Variants in EFCAB6 observed in about 807,000 individuals in gnomAD.
EFCAB6 encodes EF-hand calcium binding domain 6, also known as EF-hand calcium-binding domain-containing protein 6.
Under a neutral mutation model 169.8 loss-of-function variants are expected in EFCAB6, and 156 were observed. The observed-to-expected ratio is 0.92, with a 90% CI of 0.81 to 1.05. The LOEUF (loss-of-function observed/expected upper bound fraction) is 1.05. Ranked by LOEUF, EFCAB6 falls within the 50% of genes least tolerant of loss-of-function variation. The pLI, the probability that EFCAB6 is intolerant of heterozygous loss-of-function variation, is 0.00. For synonymous variants in EFCAB6, 698 were observed against 676.4 expected (o/e 1.03, Z -0.50); for missense variants, 1,800 against 1,829.1 (o/e 0.98, Z 0.29).
At chr22:43,711,441 G>A in intron 10 of EFCAB6, 34 bp downstream of exon 10, 2 of 1,531,782 alleles carry the variant, frequency 1.3e-6, no homozygotes, top group South Asian at 1.3e-5. Context: ...GACGTTTGGG[G>A]AAAAAAATGT....
intron 6 of EFCAB6, among the ~76,000 whole-genome samples, chr22:43,741,498 A>G (rs908151248): frequency 2.0e-5 from 3 of 152,046 alleles, no homozygotes; most frequent in Non-Finnish European, 4.4e-5. Flanking sequence ...TCTGCTGACC[A>G]CTTGCTTCAT....
chr22:43,643,341 G>A (rs965761108), intron 17 of EFCAB6, among the ~76,000 whole-genome samples: 1 of 152,306 alleles, frequency 6.6e-6, no homozygotes, highest in African/African-American at 2.4e-5. Context: ...CGGACTCCAC[G>A]GGACAACATT....
At chr22:43,580,386 G>T in intron 25 of EFCAB6, 78 bp downstream of exon 25, 1 of 1,475,972 alleles carries the variant, frequency 6.8e-7, no homozygotes, top group Non-Finnish European at 9.3e-7. Flanking sequence ...AGGTGGGAGG[G>T]GTTTCAGGGT....
chr22:43,596,953 T>TA (rs1330581624), intron 23 of EFCAB6, among the ~76,000 whole-genome samples: 1 of 152,160 alleles, frequency 6.6e-6, no homozygotes, highest in East Asian at 1.9e-4. Flanking sequence ...TCCATGCACT[T>TA]ACAGCAAATT....
At chr22:43,584,056 A>C (rs568283722) in intron 24 of EFCAB6, among the ~76,000 whole-genome samples, 1 of 152,338 alleles carries the variant, frequency 6.6e-6, no homozygotes, top group Admixed American at 6.5e-5. Flanking sequence ...AATGGTATTT[A>C]ATAGTTTTCA....
intron 21 of EFCAB6, among the ~76,000 whole-genome samples, chr22:43,609,788 CAATT>C (rs2053177715): frequency 6.6e-6 from 1 of 152,086 alleles, no homozygotes; most frequent in Non-Finnish European, 1.5e-5. Flanking sequence ...AGTTGCCTAC[CAATT>C]AATTAAGATG....
rs1311901124 is a variant in EFCAB6, at chr22:43,594,294, A to AAAAAG, written c.2877-4070_2877-4066dup. ...CTGTTTCAAAAAAAAAAAAAAAAAA[A>AAAAAG]AAAAGAAAAGACATGAGTAACTAGT... is the stretch of plus-strand genomic sequence containing the variant. On this transcript the variant is annotated intron_variant, in intron 23 of 31. Coordinates refer to ENST00000262726, the MANE Select transcript of EFCAB6 (RefSeq NM_022785.4). Among the ~76,000 whole-genome samples the AAAAAG allele has an allele frequency of 1.0e-3, 149 of 145,472 alleles. 4 individuals carry two copies. The highest frequency in any genetic ancestry group is 1.5e-3 in the Non-Finnish European group (100 of 66,558).
intron 27 of EFCAB6, among the ~76,000 whole-genome samples, chr22:43,546,172 C>G (rs2048041515): frequency 6.6e-6 from 1 of 152,156 alleles, no homozygotes; most frequent in Non-Finnish European, 1.5e-5. Context: ...CCAGAACTGA[C>G]AAGTCAGACT....
chr22:43,750,033 C>G (rs1267261507), intron 6 of EFCAB6, among the ~76,000 whole-genome samples: 13 of 152,104 alleles, frequency 8.5e-5, no homozygotes, highest in African/African-American at 2.9e-4. Flanking sequence ...AAGGCCAGAG[C>G]TCCAGACTGT....
intron 1 of EFCAB6, among the ~76,000 whole-genome samples, chr22:43,811,171 T>C (rs1391279040): frequency 6.6e-6 from 1 of 151,564 alleles, no homozygotes; most frequent in Non-Finnish European, 1.5e-5. Flanking sequence ...TCCCAGCTAC[T>C]TGGGACACCG....
chr22:43,644,112 G>A (rs777017406), intron 17 of EFCAB6, among the ~76,000 whole-genome samples: 6 of 152,074 alleles, frequency 3.9e-5, no homozygotes, highest in Admixed American at 6.5e-5. Flanking sequence ...GCGTGGCTGC[G>A]TGCGGGTTGA....
Position 43,551,190 on chromosome 22 carries a change from C to T in EFCAB6, c.3648+3679G>A, listed in dbSNP as rs530355001. The stretch of plus-strand genomic sequence containing the variant: ...AGACATGTTAGGAGTACAAATGACC[C>T]CCACGTCACACTTTGCCAGGAAACT... On this transcript the variant is annotated intron_variant, in intron 27 of 31. Transcript: ENST00000262726. 7.2e-5 allele frequency among the ~76,000 whole-genome samples: 11 copies of T among 152,262 alleles called. No individual in the cohort carries two copies. The South Asian group carries it at 2.1e-3, about 29-fold the overall frequency.
At chr22:43,704,747 T>A (rs2058893540) in intron 10 of EFCAB6, among the ~76,000 whole-genome samples, 1 of 151,778 alleles carries the variant, frequency 6.6e-6, no homozygotes, top group East Asian at 1.9e-4. Flanking sequence ...AAAACAAAAA[T>A]CTATAGTAGA....
Position 43,744,646 on chromosome 22 carries a change from T to TA in EFCAB6, c.508-8654dup, listed in dbSNP as rs576066483. Among the ~76,000 whole-genome samples the TA allele has an allele frequency of 1.3e-5, 2 of 151,998 alleles. No individual in the cohort carries two copies. The highest frequency in any genetic ancestry group is 2.9e-5 in the Non-Finnish European group (2 of 67,990). On this transcript the variant is annotated intron_variant, in intron 6 of 31. Coordinates refer to ENST00000262726, the MANE Select transcript of EFCAB6 (RefSeq NM_022785.4). This position sits in a 1 kb window ranked among gnomAD's most constrained non-coding sequence, Gnocchi z 4.3. Reference sequence around the variant, plus strand: ...GGAGCTGAGGGGGTCCAGAGGGGGCTAAGTCAGGGCTGATCTTCCTCAACA... The same window carrying TA: ...GGAGCTGAGGGGGTCCAGAGGGGGCTAAAGTCAGGGCTGATCTTCCTCAACA...
chr22:43,579,223 C>A (rs543664732), intron 25 of EFCAB6, among the ~76,000 whole-genome samples: 2 of 151,418 alleles, frequency 1.3e-5, no homozygotes, highest in South Asian at 2.1e-4. Flanking sequence ...TCATTCCCTA[C>A]ATGCAGGCAT....
At position 43,735,906 on chromosome 22, in the gene EFCAB6, T is replaced by C. The variant is rs3747203; in HGVS notation, c.595A>G (p.Arg199Gly). Reference protein sequence around the residue: ...TGLVRPQELRRVLETFCMKLR... With the variant: ...TGLVRPQELRGVLETFCMKLR... Reference sequence around the variant, plus strand: ...TTCATACAGAAGGTCTCCAGAACCCTTCTTAGCTCCTGCGGTCGAACCAGT... The same window carrying C: ...TTCATACAGAAGGTCTCCAGAACCCCTCTTAGCTCCTGCGGTCGAACCAGT... Residue 199 changes from arginine (R) to glycine (G), a missense_variant, in exon 7 of 32, where the codon AGG becomes GGG. Transcript: ENST00000262726. 0.064 allele frequency: 102,921 copies of C among 1,614,070 alleles called. 4,248 individuals carry two copies. The highest frequency in any genetic ancestry group is 0.15 in the East Asian group (6,690 of 44,878).
intron 22 of EFCAB6, among the ~76,000 whole-genome samples, chr22:43,600,829 A>G (rs2052462516): frequency 6.6e-6 from 1 of 152,008 alleles, no homozygotes; most frequent in South Asian, 2.1e-4. Context: ...TGCCCGGCTA[A>G]TGTTTCTATT....
At position 43,784,602 on chromosome 22, in the gene EFCAB6, CAT is replaced by C. The variant is rs1164220503; in HGVS notation, c.-7-2279_-7-2278del. On this transcript the variant is annotated intron_variant, in intron 2 of 31. Transcript: ENST00000262726. Reference sequence around the variant, plus strand: ...ATACACATATATATGTATATATACACATATATATGTGTATATATACACATATA... The same window carrying C: ...ATACACATATATATGTATATATACACATATATGTGTATATATACACATATA... Among the ~76,000 whole-genome samples, 144 of 87,456 alleles carry C rather than the reference CAT, an allele frequency of 1.6e-3. 9 individuals are homozygous for C. The highest frequency in any genetic ancestry group is 4.1e-3 in the African/African-American group (92 of 22,494). The allele number at this position is 87,456 out of a possible 152,430, so 57.4% of individuals were successfully genotyped here. A position where few individuals can be genotyped will look rare whatever the true frequency, so the allele number is the denominator to read the frequency against.
chr22:43,794,008 C>G (rs926914698), intron 2 of EFCAB6, among the ~76,000 whole-genome samples: 1 of 152,114 alleles, frequency 6.6e-6, no homozygotes, highest in Admixed American at 6.5e-5. Flanking sequence ...TGAACCAGCA[C>G]TTTGAGACCT....
Sources: allele counts gnomAD v4.1 joint callset (sites outside exome capture counted in the v4.1 genomes callset), GRCh38; gene constraint gnomAD v4.1.1; non-coding constraint Gnocchi (gnomAD v3.1); transcripts MANE v1.5; gene names NCBI Gene and HGNC (gene_info 2026-07-23, HGNC 2026-07-21).